Variants in CCDC146 observed in about 807,000 individuals in gnomAD.
The protein encoded by CCDC146 is coiled-coil domain containing 146, also known as coiled-coil domain-containing protein 146.
Under a neutral mutation model 119.3 loss-of-function variants are expected in CCDC146, and 92 were observed. The ratio of observed to expected loss-of-function variants is 0.77; its 90% CI spans 0.65 to 0.92. The LOEUF is 0.92. Among genes scored for constraint, CCDC146 ranks in the 40% least tolerant of loss-of-function variants. CCDC146 has a pLI of 0.00. For synonymous variants in CCDC146, 372 were observed against 371.8 expected (o/e 1.00, Z -0.01); for missense variants, 1,000 against 1,103.0 (o/e 0.91, Z 1.32).
chr7:77,214,836 C>CT (rs1347399759), intron 2 of CCDC146, among the ~76,000 whole-genome samples: 1 of 152,054 alleles, frequency 6.6e-6, no homozygotes, highest in African/African-American at 2.4e-5. Context: ...TTACTACAGC[C>CT]TTGTAGTATA....
intron 1 of CCDC146, among the ~76,000 whole-genome samples, chr7:77,143,186 T>C (rs1190868391): frequency 6.6e-6 from 1 of 151,942 alleles, no homozygotes; most frequent in Non-Finnish European, 1.5e-5. Context: ...CATTTTTTCA[T>C]GTGTCTGTTG....
intron 2 of CCDC146, among the ~76,000 whole-genome samples, chr7:77,188,817 A>G (rs1298030519): frequency 6.6e-6 from 1 of 152,196 alleles, no homozygotes; most frequent in Non-Finnish European, 1.5e-5. Flanking sequence ...AATCTAAAAT[A>G]AGTATCTATT....
intron 4 of CCDC146, among the ~76,000 whole-genome samples, chr7:77,250,294 G>T (rs1793033409): frequency 1.3e-5 from 2 of 152,190 alleles, no homozygotes; most frequent in African/African-American, 4.8e-5. Context: ...CATTTGTGTA[G>T]AACTGAGTTT....
At chr7:77,198,669 C>T (rs550233039) in intron 2 of CCDC146, 2 of 154,880 alleles carry the variant, frequency 1.3e-5, no homozygotes, top group Non-Finnish European at 1.4e-5. Flanking sequence ...TATGAAACTG[C>T]TTTTATTCCA....
At chr7:77,187,321 C>T (rs927261878) in intron 2 of CCDC146, among the ~76,000 whole-genome samples, 6 of 152,258 alleles carry the variant, frequency 3.9e-5, no homozygotes, top group African/African-American at 1.2e-4. Context: ...CTGGTCTGTT[C>T]TAGGAGCTGT....
At chr7:77,191,300 C>T (rs956143537) in intron 2 of CCDC146, among the ~76,000 whole-genome samples, 1 of 152,132 alleles carries the variant, frequency 6.6e-6, no homozygotes, top group South Asian at 2.1e-4. Flanking sequence ...CCATATTCTC[C>T]CTGGCTGTAA....
At chr7:77,184,034 T>C (rs1329820069) in intron 2 of CCDC146, among the ~76,000 whole-genome samples, 1 of 152,202 alleles carries the variant, frequency 6.6e-6, no homozygotes, top group Non-Finnish European at 1.5e-5. Flanking sequence ...GATTTGAAGT[T>C]TAGACCTGTC....
chr7:77,265,613 A>G (rs550308065), intron 9 of CCDC146, among the ~76,000 whole-genome samples: 1 of 152,358 alleles, frequency 6.6e-6, no homozygotes, highest in South Asian at 2.1e-4. Flanking sequence ...TAGATTAAGT[A>G]CCATAGAAGG....
In CCDC146 at chr7:77,286,914, A is replaced by G; in HGVS notation, c.2265A>G (p.Gln755=). The change falls in exon 16 of 19, where the codon CAA becomes CAG. Residue 755 remains glutamine (Q), a synonymous_variant. Transcript: ENST00000285871. ...ATCTGACCGAAAAAGAAATGATCCA[A>G]AAATTAGACAAGGTAAACATTATTG... ...GKDLTEKEMI[Q]KLDKLELQLA... 1.2e-6 allele frequency: 2 copies of G among 1,614,090 alleles called. No individual in the cohort carries two copies. Among genetic ancestry groups the G allele is most frequent in the Non-Finnish European group, 8.5e-7 (1 of 1,179,978 alleles).
At chr7:77,263,987 A>ACATGTATATAGTCTTTTG (rs1793352526) in intron 9 of CCDC146, among the ~76,000 whole-genome samples, 1 of 152,186 alleles carries the variant, frequency 6.6e-6, no homozygotes, top group African/African-American at 2.4e-5. Flanking sequence ...CTTTTGCAAA[A>ACATGTATATAGTCTTTTG]CCAATAAAAC....
At chr7:77,191,710 C>T (rs903945913) in intron 2 of CCDC146, among the ~76,000 whole-genome samples, 37 of 151,948 alleles carry the variant, frequency 2.4e-4, no homozygotes, top group African/African-American at 8.0e-4. Context: ...AGATCGAGAC[C>T]ATCCTGGCTA....
intron 4 of CCDC146, 104 bp downstream of exon 4, chr7:77,242,004 C>T (rs538926125): frequency 6.2e-6 from 5 of 811,966 alleles, no homozygotes; most frequent in South Asian, 5.3e-5. Flanking sequence ...GATAGCAGTA[C>T]GATGATGATT....
At chr7:77,167,857 A>G in intron 2 of CCDC146, 33 bp downstream of exon 2, 1 of 1,601,416 alleles carries the variant, frequency 6.2e-7, no homozygotes, top group Non-Finnish European at 8.5e-7. Context: ...CTACAGTAAA[A>G]CCCAACTCAA....
At chr7:77,246,355 T>C (rs972348366) in intron 4 of CCDC146, 1 of 152,252 alleles carries the variant, frequency 6.6e-6, no homozygotes, top group African/African-American at 2.4e-5. Context: ...CTCTCACACA[T>C]GTCAGCATAT....
rs186481053 is a variant in CCDC146, at chr7:77,227,495, C to T, written c.157-9452C>T. 1.2e-3 allele frequency among the ~76,000 whole-genome samples: 176 copies of T among 152,234 alleles called. 1 individual carries two copies. Among genetic ancestry groups the T allele is most frequent in the East Asian group, 2.7e-3 (14 of 5,174 alleles). ...TAATTTTTTGTATTTTTAATAGAGACGGGGTTTCACCGTGTTAGCCAGCAT... is the reference window on the plus strand; with the variant it reads ...TAATTTTTTGTATTTTTAATAGAGATGGGGTTTCACCGTGTTAGCCAGCAT... On this transcript the variant is annotated intron_variant, in intron 2 of 18. Coordinates refer to ENST00000285871, the MANE Select transcript of CCDC146 (RefSeq NM_020879.3).
intron 2 of CCDC146, among the ~76,000 whole-genome samples, chr7:77,168,853 C>G (rs1791377421): frequency 6.6e-6 from 1 of 152,012 alleles, no homozygotes; most frequent in Non-Finnish European, 1.5e-5. Flanking sequence ...TTCTCTCTCT[C>G]TGAAGACACG....
At chr7:77,294,586 T>A in intron 18 of CCDC146, 77 bp from the exon 19 acceptor site, 1 of 1,396,688 alleles carries the variant, frequency 7.2e-7, no homozygotes. Flanking sequence ...AGACCAGCTG[T>A]GTCTTTTGGG....
At chr7:77,179,798 C>T (rs1791555209) in intron 2 of CCDC146, among the ~76,000 whole-genome samples, 1 of 152,172 alleles carries the variant, frequency 6.6e-6, no homozygotes. Flanking sequence ...TATTGTTCAA[C>T]TAATCTCTAG....
At chr7:77,212,977 G>A (rs757126151) in intron 2 of CCDC146, among the ~76,000 whole-genome samples, 2 of 137,482 alleles carry the variant, frequency 1.5e-5, no homozygotes, top group Non-Finnish European at 1.5e-5. Context: ...TTTTGCCAAG[G>A]CTACTTTCTA....
Sources: gnomAD v4.1 joint callset for allele counts (sites outside exome capture counted in the v4.1 genomes callset) on GRCh38, gnomAD v4.1.1 for gene constraint, MANE v1.5 for transcripts, NCBI Gene and HGNC (gene_info 2026-07-23, HGNC 2026-07-21) for gene names.